Variants in ADAM22 observed in about 807,000 individuals in gnomAD.
ADAM22 encodes the protein ADAM metallopeptidase domain 22, also known as disintegrin and metalloproteinase domain-containing protein 22.
In ADAM22, 65 loss-of-function variants were observed where a neutral mutation model predicts 144.6. That is an observed-to-expected ratio of 0.45 (90% CI 0.37 to 0.55). ADAM22 has a LOEUF of 0.55. Among genes scored for constraint, ADAM22 ranks in the 20% least tolerant of loss-of-function variants. The probability of loss-of-function intolerance (pLI) is 0.00; values close to 1 mark genes in which losing one functional copy is unlikely to be tolerated. For synonymous variants in ADAM22, 391 were observed against 412.6 expected (o/e 0.95, Z 0.63); for missense variants, 974 against 1,184.9 (o/e 0.82, Z 2.61).
intron 3 of ADAM22, among the ~76,000 whole-genome samples, chr7:88,038,446 C>CTATTCTTTTT (rs997355312): frequency 1.0e-4 from 15 of 148,714 alleles, no homozygotes; most frequent in African/African-American, 2.4e-4. Flanking sequence ...TACATCTCTG[C>CTATTCTTTTT]TATTCTTTTT....
intron 3 of ADAM22, among the ~76,000 whole-genome samples, chr7:88,004,655 A>C (rs1471431569): frequency 2.6e-5 from 4 of 152,224 alleles, no homozygotes; most frequent in African/African-American, 9.6e-5. Flanking sequence ...GAGGCCAGAA[A>C]ACTGAAAAAT....
chr7:87,955,200 G>A (rs1466222192), intron 2 of ADAM22, among the ~76,000 whole-genome samples: 5 of 152,232 alleles, frequency 3.3e-5, no homozygotes, highest in Non-Finnish European at 7.3e-5. Flanking sequence ...CTTTGGAGGA[G>A]GAGAGGCACT....
At chr7:88,005,040 G>A (rs915560585) in intron 3 of ADAM22, among the ~76,000 whole-genome samples, 2 of 152,096 alleles carry the variant, frequency 1.3e-5, no homozygotes, top group Non-Finnish European at 2.9e-5. Context: ...TCTTGTAGTA[G>A]TCCCAGCTGT....
chr7:87,957,710 G>A (rs753653235), intron 2 of ADAM22, among the ~76,000 whole-genome samples: 2 of 152,130 alleles, frequency 1.3e-5, no homozygotes, highest in Admixed American at 1.3e-4. Context: ...AGCCTCCCGA[G>A]TAGCTGGGAT....
intron 3 of ADAM22, among the ~76,000 whole-genome samples, chr7:88,039,681 C>T (rs1207336330): frequency 2.0e-5 from 3 of 150,238 alleles, no homozygotes; most frequent in African/African-American, 7.3e-5. Flanking sequence ...TACTGTTTGG[C>T]ATTTATTACG....
At chr7:87,952,637 C>A (rs1280295452) in intron 2 of ADAM22, among the ~76,000 whole-genome samples, 1 of 152,090 alleles carries the variant, frequency 6.6e-6, no homozygotes, top group East Asian at 1.9e-4. Context: ...GCTTTGGTAT[C>A]AGGATGATGC....
intron 4 of ADAM22, among the ~76,000 whole-genome samples, chr7:88,093,728 G>A (rs547614967): frequency 2.0e-5 from 3 of 152,196 alleles, no homozygotes; most frequent in East Asian, 1.9e-4. Context: ...TGTATTTTTA[G>A]TGGAGATGGG....
At chr7:88,016,275 C>A (rs771605771) in intron 3 of ADAM22, among the ~76,000 whole-genome samples, 8 of 152,072 alleles carry the variant, frequency 5.3e-5, no homozygotes, top group Admixed American at 1.3e-4. Context: ...GTTTTCATAT[C>A]CATTGTCATT....
intron 3 of ADAM22, among the ~76,000 whole-genome samples, chr7:88,074,570 T>C (rs1043512009): frequency 5.9e-5 from 9 of 152,244 alleles, no homozygotes; most frequent in Non-Finnish European, 1.2e-4. Flanking sequence ...TGTTGTGTTT[T>C]CTACAGCTTG....
intron 3 of ADAM22, among the ~76,000 whole-genome samples, chr7:88,030,376 T>C (rs1040630800): frequency 1.3e-4 from 20 of 152,188 alleles, no homozygotes; most frequent in African/African-American, 4.6e-4. Flanking sequence ...TTTTGAATTC[T>C]TTCTCTATGT....
intron 3 of ADAM22, among the ~76,000 whole-genome samples, chr7:87,995,062 C>G (rs1304795883): frequency 6.6e-6 from 1 of 152,200 alleles, no homozygotes; most frequent in African/African-American, 2.4e-5. Context: ...TCGTGATCCA[C>G]TCGGCTCGGC....
intron 26 of ADAM22, 106 bp downstream of exon 26, chr7:88,171,667 T>C: frequency 9.7e-7 from 1 of 1,028,426 alleles, no homozygotes; most frequent in Admixed American, 2.8e-5. Flanking sequence ...TGTTTTTATG[T>C]ATAATAATCA....
chr7:88,163,057 G>A lies in ADAM22; in HGVS notation c.1953G>A (p.Val651=), dbSNP rs1206807439. ...AAGAAGATGTAGATCTTGGCTATGT[G>A]GAAGATGGGACACCTTGTGGTCCCC... ...KLEEDVDLGY[V]EDGTPCGPQM... The change falls in exon 23 of 32, where the codon GTG becomes GTA. Residue 651 remains valine, a synonymous_variant. Coordinates refer to ENST00000413139, the MANE Select transcript of ADAM22 (RefSeq NM_001324418.2). 1 of 1,610,932 alleles carries A rather than the reference G, an allele frequency of 6.2e-7. No individual in the cohort carries two copies. Among genetic ancestry groups the A allele is most frequent in the Non-Finnish European group, 8.5e-7 (1 of 1,178,642 alleles).
In ADAM22 at chr7:87,968,592, A is replaced by G. The variant is rs146085659; in HGVS notation, c.247-9744A>G. Among the ~76,000 whole-genome samples, 5 of 152,188 alleles carry G rather than the reference A, an allele frequency of 3.3e-5. No homozygotes were observed. The East Asian group carries it at 7.7e-4, about 24-fold the overall frequency. Reference sequence around the variant, plus strand: ...TAGAAATAGCTGAGTATGGTGGCACATGCTTATAGTCCCAGCTACTCAGAG... The same window carrying G: ...TAGAAATAGCTGAGTATGGTGGCACGTGCTTATAGTCCCAGCTACTCAGAG... On this transcript the variant is annotated intron_variant, in intron 2 of 31. Coordinates refer to ENST00000413139, the MANE Select transcript of ADAM22 (RefSeq NM_001324418.2).
chr7:88,059,807 A>G (rs1431236148), intron 3 of ADAM22, among the ~76,000 whole-genome samples: 1 of 152,214 alleles, frequency 6.6e-6, no homozygotes, highest in Non-Finnish European at 1.5e-5. Flanking sequence ...GTGAAAGCTA[A>G]ACATTGGGTA....
intron 3 of ADAM22, among the ~76,000 whole-genome samples, chr7:88,018,700 G>A (rs1003911691): frequency 2.6e-5 from 4 of 152,082 alleles, no homozygotes; most frequent in African/African-American, 4.8e-5. Context: ...TGGTATGTTC[G>A]CTTCCTATTT....
chr7:87,956,692 C>T (rs1158127321), intron 2 of ADAM22, among the ~76,000 whole-genome samples: 1 of 152,172 alleles, frequency 6.6e-6, no homozygotes, highest in African/African-American at 2.4e-5. Context: ...TAAATGGAAT[C>T]GTACACTATC....
intron 3 of ADAM22, among the ~76,000 whole-genome samples, chr7:88,064,576 T>C (rs1168896493): frequency 6.6e-6 from 1 of 152,160 alleles, no homozygotes; most frequent in Admixed American, 6.6e-5. Flanking sequence ...AGATTCAGTG[T>C]CTGGTAAGGG....
At chr7:88,124,887 G>A (rs1830063289) in intron 7 of ADAM22, among the ~76,000 whole-genome samples, 1 of 151,904 alleles carries the variant, frequency 6.6e-6, no homozygotes, top group African/African-American at 2.4e-5. Flanking sequence ...CACCTTGAGT[G>A]TTTTATAGTA....
Sources: gnomAD v4.1 joint callset for allele counts (sites outside exome capture counted in the v4.1 genomes callset) on GRCh38, gnomAD v4.1.1 for gene constraint, MANE v1.5 for transcripts, NCBI Gene and HGNC (gene_info 2026-07-23, HGNC 2026-07-21) for gene names.